Variants in CCDC102B observed in about 807,000 individuals in gnomAD.
CCDC102B encodes the protein coiled-coil domain-containing protein 102B.
CCDC102B carries 75 observed loss-of-function variants against 57.4 expected under a neutral mutation model. The ratio of observed to expected loss-of-function variants is 1.31; its 90% confidence interval spans 1.08 to 1.58. The LOEUF is 1.58. Ranked by LOEUF, CCDC102B falls within the 40% of genes most tolerant of loss-of-function variation. CCDC102B has a pLI of 0.00. For synonymous variants in CCDC102B, 206 were observed against 201.9 expected (o/e 1.02, Z -0.17); for missense variants, 636 against 582.6 (o/e 1.09, Z -0.94).
intron 7 of CCDC102B, among the ~76,000 whole-genome samples, chr18:69,044,336 G>A (rs10503142): frequency 0.05 from 7,630 of 152,120 alleles, 272 homozygotes; most frequent in East Asian, 0.16. Flanking sequence ...GTTCTTAACC[G>A]CAGGACCATT....
chr18:68,943,310 T>G (rs1316469690), intron 6 of CCDC102B, among the ~76,000 whole-genome samples: 1 of 152,144 alleles, frequency 6.6e-6, no homozygotes, highest in African/African-American at 2.4e-5. Flanking sequence ...GACTTTTAAT[T>G]GAGGGACTTA....
chr18:68,734,215 T>A (rs2033025302), intron 2 of CCDC102B, among the ~76,000 whole-genome samples: 1 of 152,094 alleles, frequency 6.6e-6, no homozygotes, highest in Non-Finnish European at 1.5e-5. Flanking sequence ...ATAGTTAGCT[T>A]CCCTCAGGGA....
chr18:68,940,328 G>A (rs559580198), intron 6 of CCDC102B, among the ~76,000 whole-genome samples: 46 of 151,724 alleles, frequency 3.0e-4, no homozygotes, highest in African/African-American at 1.0e-3. Flanking sequence ...TCTTGATTTC[G>A]AAATTTATTG....
chr18:69,029,123 G>A (rs1415111217), intron 7 of CCDC102B, among the ~76,000 whole-genome samples: 1 of 152,132 alleles, frequency 6.6e-6, no homozygotes, highest in Non-Finnish European at 1.5e-5. Flanking sequence ...AAACAAATAT[G>A]TTGTAAAGAA....
intron 7 of CCDC102B, among the ~76,000 whole-genome samples, chr18:69,014,587 A>AATATACT (rs2051608813): frequency 6.6e-6 from 1 of 151,794 alleles, no homozygotes; most frequent in African/African-American, 2.4e-5. Context: ...TATATTGGGC[A>AATATACT]AGCATGTGTG....
At chr18:68,752,829 T>C (rs891327045) in intron 2 of CCDC102B, among the ~76,000 whole-genome samples, 7 of 152,318 alleles carry the variant, frequency 4.6e-5, no homozygotes, top group Non-Finnish European at 1.0e-4. Context: ...TATCTTAATA[T>C]GTCTTGGTGT....
chr18:68,941,834 G>A (rs1262292829), intron 6 of CCDC102B, among the ~76,000 whole-genome samples: 1 of 152,012 alleles, frequency 6.6e-6, no homozygotes, highest in East Asian at 1.9e-4. Flanking sequence ...ATTCAATATG[G>A]TAATTCATAG....
In CCDC102B at chr18:68,857,279, T is replaced by A. The variant is rs868067176; in HGVS notation, c.936+10858T>A. Among the ~76,000 whole-genome samples, 28 of 13,736 alleles carry A rather than the reference T, an allele frequency of 2.0e-3. 5 individuals are homozygous for A. Among genetic ancestry groups the A allele is most frequent in the Admixed American group, 0.017 (9 of 522 alleles). The allele number at this position is 13,736 out of a possible 152,430, so 9.0% of individuals were successfully genotyped here. ...TTTAAATATATAAATATATATATAA[T>A]ATATATTTATATATTATATATATAA... On this transcript the variant is annotated intron_variant, in intron 4 of 7. Coordinates refer to ENST00000360242, the MANE Select transcript of CCDC102B (RefSeq NM_024781.3).
intron 6 of CCDC102B, among the ~76,000 whole-genome samples, chr18:68,910,258 A>T (rs2040792832): frequency 6.6e-6 from 1 of 152,180 alleles, no homozygotes; most frequent in African/African-American, 2.4e-5. Flanking sequence ...ACACCACTGC[A>T]CTCCAGCCTG....
At chr18:68,819,539 A>G (rs2036616409) in intron 1 of CCDC102B, among the ~76,000 whole-genome samples, 1 of 151,648 alleles carries the variant, frequency 6.6e-6, no homozygotes, top group Non-Finnish European at 1.5e-5. Context: ...TTTTTTAAAA[A>G]AAGTTTGGCT....
At chr18:68,956,617 A>G (rs1164250350) in intron 6 of CCDC102B, among the ~76,000 whole-genome samples, 1 of 89,212 alleles carries the variant, frequency 1.1e-5, no homozygotes, top group Non-Finnish European at 1.9e-5. Flanking sequence ...TATAAAATAT[A>G]TAATATATAT....
rs544195192 is a variant in CCDC102B, at chr18:68,760,334, C to T, written c.-67+43740C>T. 2.0e-5 allele frequency among the ~76,000 whole-genome samples: 3 copies of T among 152,126 alleles called. No individual in the cohort carries two copies. The East Asian group carries it at 5.8e-4, about 29-fold the overall frequency. Reference sequence around the variant, plus strand: ...AGAGGAGTTTAAATCAGAGTGCAAGCTTTAAATTAGAATACCACCAGTGTG... The same window carrying T: ...AGAGGAGTTTAAATCAGAGTGCAAGTTTTAAATTAGAATACCACCAGTGTG... On this transcript the variant is annotated intron_variant, in intron 2 of 3. Coordinates refer to the CCDC102B transcript ENST00000578970.
intron 7 of CCDC102B, among the ~76,000 whole-genome samples, chr18:69,018,588 C>T (rs1055481415): frequency 3.9e-5 from 6 of 152,056 alleles, no homozygotes; most frequent in East Asian, 1.9e-4. Context: ...TGCCTATTCA[C>T]GTATTCTGCC....
At chr18:68,815,486 G>A (rs2036436849) in intron 1 of CCDC102B, among the ~76,000 whole-genome samples, 1 of 152,094 alleles carries the variant, frequency 6.6e-6, no homozygotes, top group African/African-American at 2.4e-5. Context: ...TAAGATACAA[G>A]TTCTTTGCTA....
chr18:68,993,868 A>G (rs891646280), intron 6 of CCDC102B, among the ~76,000 whole-genome samples: 3 of 152,218 alleles, frequency 2.0e-5, no homozygotes, highest in East Asian at 3.9e-4. Flanking sequence ...TGTTCTCCCA[A>G]TTGTTTGCGC....
At chr18:68,847,858 AGACATT>A (rs2037944229) in intron 4 of CCDC102B, among the ~76,000 whole-genome samples, 2 of 151,854 alleles carry the variant, frequency 1.3e-5, no homozygotes, top group African/African-American at 4.8e-5. Flanking sequence ...AAAATTTTGT[AGACATT>A]GAAAATTTAT....
intron 2 of CCDC102B, among the ~76,000 whole-genome samples, chr18:68,760,267 A>T (rs1599421017): frequency 6.6e-6 from 1 of 152,100 alleles, no homozygotes; most frequent in South Asian, 2.1e-4. Context: ...ATACATAAGT[A>T]AGGTTAGTAT....
chr18:68,853,257 C>T (rs895900139), intron 4 of CCDC102B, among the ~76,000 whole-genome samples: 6 of 152,228 alleles, frequency 3.9e-5, no homozygotes, highest in Non-Finnish European at 8.8e-5. Context: ...ATGAAAATTA[C>T]ATAAAATATA....
chr18:69,010,125 G>A (rs1490171613), intron 6 of CCDC102B, among the ~76,000 whole-genome samples: 18 of 82,944 alleles, frequency 2.2e-4, no homozygotes, highest in Non-Finnish European at 1.9e-4. Context: ...TTTTTTTTTA[G>A]TAGAGACGGA....
Sources: allele counts gnomAD v4.1 joint callset (sites outside exome capture counted in the v4.1 genomes callset), GRCh38; gene constraint gnomAD v4.1.1; transcripts MANE v1.5; gene names NCBI Gene and HGNC (gene_info 2026-07-23, HGNC 2026-07-21).